The following PHF14 variants were observed in gnomAD, a reference collection of about 807,000 sequenced individuals.
PHF14 encodes PHD finger protein 14.
Under a neutral mutation model 117.9 loss-of-function variants are expected in PHF14, and 55 were observed. The ratio of observed to expected loss-of-function variants is 0.47; its 90% CI spans 0.38 to 0.58. The LOEUF (loss-of-function observed/expected upper bound fraction) is 0.58. Ranked by LOEUF, PHF14 falls within the 20% of genes least tolerant of loss-of-function variation. The pLI, the probability that PHF14 is intolerant of heterozygous loss-of-function variation, is 0.00. For missense variants in PHF14, 978 were observed against 1,122.2 expected (o/e 0.87, Z 1.84); for synonymous variants, 409 against 368.6 (o/e 1.11, Z -1.26).
At chr7:11,054,339 A>G (rs923029226) in intron 14 of PHF14, among the ~76,000 whole-genome samples, 1 of 152,194 alleles carries the variant, frequency 6.6e-6, no homozygotes, top group South Asian at 2.1e-4. Context: ...TATACTAAAT[A>G]AAAGTTGAAA....
chr7:11,149,358 A>G (rs571125746), intron 17 of PHF14, among the ~76,000 whole-genome samples: 5 of 152,242 alleles, frequency 3.3e-5, no homozygotes, highest in Non-Finnish European at 5.9e-5. Flanking sequence ...ATAAATTCAG[A>G]TTCTAACTCT....
intron 7 of PHF14, among the ~76,000 whole-genome samples, chr7:11,030,424 G>C (rs932200710): frequency 2.0e-5 from 3 of 152,026 alleles, no homozygotes; most frequent in Admixed American, 6.6e-5. Flanking sequence ...GGATTCCTTT[G>C]CACAGCATCA....
chr7:10,981,586 TCTGTGA>T (rs1369887582), intron 2 of PHF14, among the ~76,000 whole-genome samples: 1 of 152,200 alleles, frequency 6.6e-6, no homozygotes, highest in Non-Finnish European at 1.5e-5. Context: ...TTTAGTAACC[TCTGTGA>T]CTGCTCATTT....
chr7:11,006,164 A>G (rs1034937741), intron 4 of PHF14, among the ~76,000 whole-genome samples: 2 of 152,220 alleles, frequency 1.3e-5, no homozygotes, highest in Non-Finnish European at 2.9e-5. Context: ...AATTACCAAC[A>G]ATGCACAAAC....
In PHF14 at chr7:11,073,624, C is replaced by T. The variant is rs149079579; in HGVS notation, c.2654+11539C>T. ...CATTCTAAGGTCTGGAAGGCAACAGCGCCCTTCCCACAGCTCCACCAGGTA... is the reference window on the plus strand; with the variant it reads ...CATTCTAAGGTCTGGAAGGCAACAGTGCCCTTCCCACAGCTCCACCAGGTA... On this transcript the variant is annotated intron_variant, in intron 16 of 17. Transcript: ENST00000634607. Among the ~76,000 whole-genome samples the T allele has an allele frequency of 1.6e-3, 248 of 152,268 alleles. 2 individuals carry two copies. Among genetic ancestry groups the T allele is most frequent in the South Asian group, 7.5e-3 (36 of 4,822 alleles).
chr7:11,106,969 T>G, intron 16 of PHF14: 1 of 983,348 alleles, frequency 1.0e-6, no homozygotes, highest in Non-Finnish European at 1.2e-6. Flanking sequence ...CATAAAAATG[T>G]ACATCCTTGT....
Position 11,074,259 on chromosome 7 carries a change from G to A in PHF14, c.2654+12174G>A, listed in dbSNP as rs575741093. Among the ~76,000 whole-genome samples the A allele has an allele frequency of 3.4e-3, 502 of 149,776 alleles. 11 individuals carry two copies. Among genetic ancestry groups the A allele is most frequent in the Admixed American group, 2.0e-3 (30 of 15,070 alleles). On this transcript the variant is annotated intron_variant, in intron 16 of 17. Coordinates refer to ENST00000634607, the MANE Select transcript of PHF14 (RefSeq NM_001007157.2). ...AGAGTCTTGCTCTGTTGCCCAGGCT[G>A]GAGTGCAGTGGCACGATCTCAGCTC...
intron 7 of PHF14, among the ~76,000 whole-genome samples, chr7:11,035,205 A>C (rs1311010203): frequency 6.6e-6 from 1 of 152,116 alleles, no homozygotes; most frequent in African/African-American, 2.4e-5. Flanking sequence ...AGGTATTATA[A>C]GTAATGTAGA....
chr7:11,018,647 C>G (rs1006502349), intron 5 of PHF14, among the ~76,000 whole-genome samples: 21 of 152,056 alleles, frequency 1.4e-4, no homozygotes, highest in African/African-American at 4.8e-4. Context: ...CTTATGAGGT[C>G]TTTAGGTTTT....
At chr7:11,063,522 T>G in intron 16 of PHF14, 2 of 980,078 alleles carry the variant, frequency 2.0e-6, no homozygotes, top group Non-Finnish European at 2.4e-6. Context: ...GAAACAGTAG[T>G]TAAAAACTTA....
chr7:11,158,688 AAATAAGAT>A (rs1432214351), intron 17 of PHF14, among the ~76,000 whole-genome samples: 3 of 152,138 alleles, frequency 2.0e-5, no homozygotes, highest in Admixed American at 1.3e-4. Flanking sequence ...ATGGGGATTT[AAATAAGAT>A]ATCTTAGGAC....
chr7:11,161,034 C>G (rs891839041), intron 17 of PHF14, among the ~76,000 whole-genome samples: 1 of 151,984 alleles, frequency 6.6e-6, no homozygotes, highest in Non-Finnish European at 1.5e-5. Flanking sequence ...CTCTAAGATT[C>G]TTATAGTTTG....
At chr7:11,050,264 T>C (rs1295183460) in intron 13 of PHF14, among the ~76,000 whole-genome samples, 1 of 152,162 alleles carries the variant, frequency 6.6e-6, no homozygotes, top group African/African-American at 2.4e-5. Flanking sequence ...ATGAGAATTA[T>C]AAGCTACATT....
intron 16 of PHF14, chr7:11,106,181 T>TA: frequency 1.0e-6 from 1 of 981,342 alleles, no homozygotes; most frequent in Non-Finnish European, 1.2e-6. Context: ...CTGCCACAGA[T>TA]ATAGCTAACT....
At chr7:11,111,148 G>A (rs576110819) in intron 16 of PHF14, 2 of 447,550 alleles carry the variant, frequency 4.5e-6, no homozygotes, top group East Asian at 3.5e-5. Context: ...TATTGCTGTT[G>A]TATTTTGTTT....
In PHF14 at chr7:11,146,060, T is replaced by A. The variant is rs564160755; in HGVS notation, c.2773-23356T>A. Among the ~76,000 whole-genome samples, 9 of 152,310 alleles carry A rather than the reference T, an allele frequency of 5.9e-5. No homozygotes were observed. In the East Asian group the frequency reaches 1.7e-3, roughly 29 times the overall value. On this transcript the variant is annotated intron_variant, in intron 17 of 17. Coordinates refer to ENST00000634607, the MANE Select transcript of PHF14 (RefSeq NM_001007157.2). ...TGGAAAATCTGTGGTCAAGACATTC[T>A]ATTTTTTGACAGTTTCTAGTGCTGT... is the stretch of plus-strand genomic sequence containing the variant.
rs58175304 is a variant in PHF14 at position 10,990,647 on chromosome 7, GTT to G, written c.901-47_901-46del. ...AGTAATAAAGAATTTTAGTGATTAA[GTT>G]TTTTTTTTACTTTAAATGTGATTTT... On this transcript the variant is annotated intron_variant, in intron 3 of 17. Coordinates refer to ENST00000634607, the MANE Select transcript of PHF14 (RefSeq NM_001007157.2). 1.6e-3 allele frequency: 1,611 copies of G among 1,003,812 alleles called. 20 individuals carry two copies. In the African/African-American group the frequency reaches 0.024, roughly 15 times the overall value. 62.2% of individuals were successfully genotyped at this position (1,003,812 alleles called of 1,614,324 possible). A position where few individuals can be genotyped will look rare whatever the true frequency, so the allele number is the denominator to read the frequency against.
chr7:11,034,302 T>A (rs755863823), intron 7 of PHF14, among the ~76,000 whole-genome samples: 3 of 152,108 alleles, frequency 2.0e-5, no homozygotes, highest in Non-Finnish European at 2.9e-5. Flanking sequence ...GGGACAGACA[T>A]AAAGAATGAA....
intron 17 of PHF14, among the ~76,000 whole-genome samples, chr7:11,168,246 A>G (rs1044328603): frequency 6.6e-6 from 1 of 152,220 alleles, no homozygotes; most frequent in Non-Finnish European, 1.5e-5. Context: ...CTACATATCT[A>G]TAATGATTCA....
Sources: allele counts gnomAD v4.1 joint callset (sites outside exome capture counted in the v4.1 genomes callset), GRCh38; gene constraint gnomAD v4.1.1; transcripts MANE v1.5; gene names NCBI Gene and HGNC (gene_info 2026-07-23, HGNC 2026-07-21).